OXR1: variants seen among roughly 807,000 people sequenced by gnomAD.
OXR1 encodes oxidation resistance protein 1.
Under a neutral mutation model 104.6 loss-of-function variants are expected in OXR1, and 41 were observed. The ratio of observed to expected loss-of-function variants is 0.39; its 90% CI spans 0.31 to 0.51. OXR1 has a LOEUF of 0.51. Among genes scored for constraint, OXR1 ranks in the 20% least tolerant of loss-of-function variants. The pLI is 0.77. For synonymous variants in OXR1, 348 were observed against 348.4 expected, an observed-to-expected ratio of 1.00 and a Z score of 0.01; for missense variants, 955 against 1,031.9, an observed-to-expected ratio of 0.93 and a Z score of 1.02.
chr8:106,704,990 C>T (rs1273039398), intron 8 of OXR1, among the ~76,000 whole-genome samples: 4 of 152,068 alleles, frequency 2.6e-5, no homozygotes, highest in Non-Finnish European at 4.4e-5. Flanking sequence ...TTTCTTCTGT[C>T]TTATGCTCCT....
chr8:106,639,021 G>C (rs1476169358), intron 3 of OXR1, among the ~76,000 whole-genome samples: 1 of 152,116 alleles, frequency 6.6e-6, no homozygotes, highest in Non-Finnish European at 1.5e-5. Context: ...GAAATAGAAA[G>C]GTGCTTGAAT....
intron 3 of OXR1, among the ~76,000 whole-genome samples, chr8:106,598,314 C>T (rs1410770313): frequency 6.6e-6 from 1 of 152,152 alleles, no homozygotes; most frequent in South Asian, 2.1e-4. Context: ...TATAAGGTAT[C>T]TCCTTCAGAC....
chr8:106,420,730 T>TTGTG (rs6150748), intron 2 of OXR1, among the ~76,000 whole-genome samples: 4,668 of 147,218 alleles, frequency 0.032, 186 homozygotes, highest in African/African-American at 0.092. Context: ...CATTAAAATA[T>TTGTG]TGTGTGTGTG....
At chr8:106,663,489 T>A (rs1354015540) in intron 3 of OXR1, among the ~76,000 whole-genome samples, 1 of 151,834 alleles carries the variant, frequency 6.6e-6, no homozygotes, top group Non-Finnish European at 1.5e-5. Context: ...GTGAGAAAAA[T>A]TAGGTATATA....
intron 6 of OXR1, among the ~76,000 whole-genome samples, chr8:106,685,287 G>T (rs1479297395): frequency 6.6e-6 from 1 of 152,092 alleles, no homozygotes; most frequent in East Asian, 1.9e-4. Flanking sequence ...CTCATAAGGG[G>T]CAATGACAAA....
intron 3 of OXR1, among the ~76,000 whole-genome samples, chr8:106,620,037 G>A (rs1821569265): frequency 6.6e-6 from 1 of 152,016 alleles, no homozygotes; most frequent in African/African-American, 2.4e-5. Context: ...TCATTGTTGT[G>A]AAACTGAAGG....
chr8:106,436,033 T>A (rs1819551778), intron 2 of OXR1, among the ~76,000 whole-genome samples: 2 of 152,176 alleles, frequency 1.3e-5, no homozygotes, highest in Non-Finnish European at 2.9e-5. Flanking sequence ...CACATTTTTT[T>A]TCCTTTCCAA....
intron 11 of OXR1, among the ~76,000 whole-genome samples, chr8:106,729,207 G>GA (rs1587265704): frequency 6.6e-6 from 1 of 151,938 alleles, no homozygotes; most frequent in East Asian, 1.9e-4. Flanking sequence ...TTTTACAAGT[G>GA]AAAAAACAGG....
At chr8:106,395,909 G>C (rs1817759437) in intron 2 of OXR1, among the ~76,000 whole-genome samples, 1 of 151,880 alleles carries the variant, frequency 6.6e-6, no homozygotes, top group Non-Finnish European at 1.5e-5. Context: ...ATGAGGAAGT[G>C]CTCAAAAAAA....
intron 1 of OXR1, among the ~76,000 whole-genome samples, chr8:106,294,395 C>CAAAAAAAAA (rs1200997871): frequency 2.6e-4 from 18 of 70,322 alleles, no homozygotes; most frequent in African/African-American, 6.3e-4. Flanking sequence ...GACTCTGTCT[C>CAAAAAAAAA]AAAAAAAAAA....
At chr8:106,447,942 G>T (rs1820086434) in intron 2 of OXR1, 1 of 1,534,382 alleles carries the variant, frequency 6.5e-7, no homozygotes, top group Admixed American at 2.0e-5. Flanking sequence ...ATCTAGTACG[G>T]GGCTCACAGG....
intron 3 of OXR1, among the ~76,000 whole-genome samples, chr8:106,608,321 A>G (rs925232380): frequency 1.3e-5 from 2 of 151,984 alleles, no homozygotes; most frequent in Non-Finnish European, 2.9e-5. Flanking sequence ...ACAAACAAAC[A>G]AAAACGATGA....
chr8:106,651,463 A>C (rs991626348), intron 3 of OXR1, among the ~76,000 whole-genome samples: 21 of 152,074 alleles, frequency 1.4e-4, no homozygotes, highest in African/African-American at 5.1e-4. Flanking sequence ...GTTTAATCTC[A>C]TTCTTTTGTA....
chr8:106,494,088 A>G (rs1811269575), intron 2 of OXR1, among the ~76,000 whole-genome samples: 1 of 152,180 alleles, frequency 6.6e-6, no homozygotes, highest in Admixed American at 6.6e-5. Context: ...TATTATTACT[A>G]AACCCATTTT....
chr8:106,331,873 G>A (rs894650588), intron 1 of OXR1, among the ~76,000 whole-genome samples: 1 of 151,908 alleles, frequency 6.6e-6, no homozygotes, highest in Non-Finnish European at 1.5e-5. Context: ...AGGAGGCAGA[G>A]GTTGTAGTGA....
chr8:106,726,111 CT>C, intron 11 of OXR1: 1 of 1,380,372 alleles, frequency 7.2e-7, no homozygotes, highest in African/African-American at 1.5e-5. Context: ...TCAATCAAAT[CT>C]TTGTCTCTAG....
chr8:106,739,191 A>C (rs1834694106), intron 12 of OXR1, among the ~76,000 whole-genome samples: 1 of 152,092 alleles, frequency 6.6e-6, no homozygotes. Flanking sequence ...TCTTCTTTAC[A>C]CAGAAATATG....
intron 3 of OXR1, among the ~76,000 whole-genome samples, chr8:106,665,425 G>A (rs929662770): frequency 9.9e-5 from 15 of 152,074 alleles, no homozygotes; most frequent in Admixed American, 1.3e-4. Flanking sequence ...ATAACAAAAC[G>A]ATGTTATTCA....
intron 16 of OXR1, among the ~76,000 whole-genome samples, chr8:106,746,696 T>C (rs909518610): frequency 6.6e-6 from 1 of 152,172 alleles, no homozygotes; most frequent in Admixed American, 6.5e-5. Flanking sequence ...AGGATATAAG[T>C]AGGGTGATTA....
Sources: gnomAD v4.1 joint callset for allele counts (sites outside exome capture counted in the v4.1 genomes callset) on GRCh38, gnomAD v4.1.1 for gene constraint, MANE v1.5 for transcripts, NCBI Gene and HGNC (gene_info 2026-07-23, HGNC 2026-07-21) for gene names.